Variants in EYA1 observed in about 807,000 individuals in gnomAD.
EYA1 encodes the protein protein phosphatase EYA1.
Under a neutral mutation model 82.0 loss-of-function variants are expected in EYA1, and 16 were observed. That is an observed-to-expected ratio of 0.20 (90% confidence interval 0.13 to 0.30). The LOEUF (loss-of-function observed/expected upper bound fraction) is 0.30. EYA1 is among the 10% of genes least tolerant of loss of function. The probability of loss-of-function intolerance (pLI) is 1.00; values close to 1 mark genes in which losing one functional copy is unlikely to be tolerated. For synonymous variants in EYA1, 261 were observed against 264.4 expected, an observed-to-expected ratio of 0.99 and a Z score of 0.12; for missense variants, 633 against 730.7, an observed-to-expected ratio of 0.87 and a Z score of 1.54.
chr8:71,210,977 A>G (rs926012631), intron 17 of EYA1, among the ~76,000 whole-genome samples, 179 bp downstream of exon 17: 11 of 152,230 alleles, frequency 7.2e-5, no homozygotes, highest in African/African-American at 2.7e-4. Context: ...TGTGCACACT[A>G]CTATTCAGAA....
chr8:71,202,116 A>T (rs919548290), intron 17 of EYA1, among the ~76,000 whole-genome samples: 5 of 152,146 alleles, frequency 3.3e-5, no homozygotes, highest in Admixed American at 1.3e-4. Flanking sequence ...TTTGCATGTC[A>T]ATTGTCTGAG....
intron 2 of EYA1, among the ~76,000 whole-genome samples, chr8:71,378,950 G>A (rs186532893): frequency 9.1e-4 from 138 of 152,298 alleles, no homozygotes; most frequent in African/African-American, 3.2e-3. Context: ...TCTGTAAATT[G>A]ACTTTTAGCT....
At chr8:71,218,671 T>G (rs916062318) in intron 12 of EYA1, among the ~76,000 whole-genome samples, 6 of 152,206 alleles carry the variant, frequency 3.9e-5, no homozygotes, top group Non-Finnish European at 7.3e-5. Flanking sequence ...GGTTGGGAAC[T>G]TCTCATTTAT....
chr8:71,545,450 C>T (rs2129294911), intron 1 of EYA1, among the ~76,000 whole-genome samples: 1 of 152,028 alleles, frequency 6.6e-6, no homozygotes, highest in Admixed American at 6.5e-5. Flanking sequence ...TAAATCAATA[C>T]TGTTATTATA....
intron 2 of EYA1, among the ~76,000 whole-genome samples, chr8:71,422,757 A>C (rs1831211811): frequency 6.6e-6 from 1 of 152,062 alleles, no homozygotes; most frequent in African/African-American, 2.4e-5. Context: ...CCCTTATAAA[A>C]CCATCAGATC....
At chr8:71,400,714 G>A (rs1019201130) in intron 2 of EYA1, among the ~76,000 whole-genome samples, 1 of 152,158 alleles carries the variant, frequency 6.6e-6, no homozygotes, top group Non-Finnish European at 1.5e-5. Flanking sequence ...CAACCATTGT[G>A]GAAGACAGTG....
upstream of EYA1, among the ~76,000 whole-genome samples, chr8:71,364,639 T>C (rs1478459381): frequency 1.3e-5 from 2 of 151,938 alleles, no homozygotes; most frequent in East Asian, 3.9e-4. Context: ...GCCATGTAAA[T>C]CTCAATACAT....
intron 12 of EYA1, among the ~76,000 whole-genome samples, chr8:71,238,196 C>T (rs1322297294): frequency 6.6e-6 from 1 of 152,058 alleles, no homozygotes; most frequent in Non-Finnish European, 1.5e-5. Context: ...TATTAATTTG[C>T]TTGGTTTTAT....
At chr8:71,397,522 A>G (rs1829699727) in intron 2 of EYA1, among the ~76,000 whole-genome samples, 1 of 152,042 alleles carries the variant, frequency 6.6e-6, no homozygotes, top group African/African-American at 2.4e-5. Context: ...TGTCTGTAAA[A>G]GATTTTATTT....
intron 2 of EYA1, among the ~76,000 whole-genome samples, chr8:71,430,549 A>G (rs2129160071): frequency 6.6e-6 from 1 of 152,362 alleles, no homozygotes; most frequent in South Asian, 2.1e-4. Context: ...GATCATCTTC[A>G]GGACAGTGCC....
intron 3 of EYA1, among the ~76,000 whole-genome samples, chr8:71,344,658 T>C (rs1392247342): frequency 6.6e-6 from 1 of 152,244 alleles, no homozygotes; most frequent in East Asian, 1.9e-4. Context: ...TAATCATTCC[T>C]TTGATATAGA....
chr8:71,291,239 T>G (rs893862154), intron 9 of EYA1, among the ~76,000 whole-genome samples: 2 of 152,208 alleles, frequency 1.3e-5, no homozygotes, highest in African/African-American at 4.8e-5. Context: ...CACACTGAGT[T>G]CCTCTGAGGG....
At chr8:71,418,642 G>C (rs1586678976) in intron 2 of EYA1, among the ~76,000 whole-genome samples, 1 of 152,284 alleles carries the variant, frequency 6.6e-6, no homozygotes, top group East Asian at 1.9e-4. Context: ...AGTTGAGTAA[G>C]TTATTTATTT....
chr8:71,253,336 A>C (rs1314033777), intron 11 of EYA1, among the ~76,000 whole-genome samples: 2 of 152,110 alleles, frequency 1.3e-5, no homozygotes, highest in African/African-American at 4.8e-5. Flanking sequence ...AAGAAGATAA[A>C]GAGTTTAAAA....
At chr8:71,325,404 G>A (rs1206202243) in intron 4 of EYA1, among the ~76,000 whole-genome samples, 1 of 152,096 alleles carries the variant, frequency 6.6e-6, no homozygotes, top group Non-Finnish European at 1.5e-5. Flanking sequence ...TGTATAGATG[G>A]TTACATTCCT....
At chr8:71,466,631 A>G (rs936518807) in intron 2 of EYA1, among the ~76,000 whole-genome samples, 2 of 152,186 alleles carry the variant, frequency 1.3e-5, no homozygotes, top group African/African-American at 4.8e-5. Flanking sequence ...CACACTATAA[A>G]TTTATGACCA....
At chr8:71,317,796 T>G in intron 6 of EYA1, 107 bp from the exon 7 acceptor site, 1 of 1,086,130 alleles carries the variant, frequency 9.2e-7, no homozygotes, top group Non-Finnish European at 1.4e-6. Flanking sequence ...TTCCCCAATC[T>G]TATCTCAAAA....
chr8:71,293,314 AC>A (rs921880981), intron 9 of EYA1, among the ~76,000 whole-genome samples: 1 of 152,184 alleles, frequency 6.6e-6, no homozygotes, highest in Non-Finnish European at 1.5e-5. Flanking sequence ...AACAGAAAGC[AC>A]TAGACCAGGA....
At chr8:71,317,500 G>A in intron 7 of EYA1, 52 bp downstream of exon 7, 1 of 1,589,952 alleles carries the variant, frequency 6.3e-7, no homozygotes, top group African/African-American at 1.3e-5. Context: ...TACTTTAGAA[G>A]TTAACTATCA....
Sources: gnomAD v4.1 joint callset for allele counts (sites outside exome capture counted in the v4.1 genomes callset) on GRCh38, gnomAD v4.1.1 for gene constraint, MANE v1.5 for transcripts, NCBI Gene and HGNC (gene_info 2026-07-23, HGNC 2026-07-21) for gene names.